The following EDC3 variants were observed in gnomAD, a reference collection of about 807,000 sequenced individuals.
The protein encoded by EDC3 is enhancer of mRNA-decapping protein 3.
In EDC3, 20 loss-of-function variants were observed where a neutral mutation model predicts 41.8. The ratio of observed to expected loss-of-function variants is 0.48; its 90% CI spans 0.34 to 0.70. The LOEUF (loss-of-function observed/expected upper bound fraction) is 0.70, where lower values mean the gene tolerates loss of function less well. Ranked by LOEUF, EDC3 falls within the 30% of genes least tolerant of loss-of-function variation. The pLI is 0.01. For synonymous variants in EDC3, 206 were observed against 243.2 expected (o/e 0.85, Z 1.42); for missense variants, 444 against 636.8 (o/e 0.70, Z 3.26).
intron 1 of EDC3, among the ~76,000 whole-genome samples, chr15:74,675,664 A>C (rs1012019180): frequency 2.9e-4 from 44 of 150,390 alleles, no homozygotes; most frequent in African/African-American, 1.0e-3. Context: ...GCAGATCACG[A>C]GGTCACGAGA....
chr15:74,640,753 C>T (rs1209617340), intron 4 of EDC3, 134 bp from the exon 5 acceptor site: 24 of 1,132,422 alleles, frequency 2.1e-5, no homozygotes, highest in Admixed American at 7.2e-5. Context: ...CTTCATCTTC[C>T]GGGACTAAGG....
At position 74,645,575 on chromosome 15, in the gene EDC3, G is replaced by GC. The variant is rs1317932249; in HGVS notation, c.821-4957_821-4956insG. ...TCAATAAAAAAAGTTGGGGGGGGGGGGGTGCCAGGCAGGTGGCTCATGCCC... is the reference window on the plus strand; with the variant it reads ...TCAATAAAAAAAGTTGGGGGGGGGGGCGGTGCCAGGCAGGTGGCTCATGCCC... On this transcript the variant is annotated intron_variant, in intron 4 of 6. Coordinates refer to ENST00000315127, the MANE Select transcript of EDC3 (RefSeq NM_025083.5). Among the ~76,000 whole-genome samples, 12 of 140,586 alleles carry GC rather than the reference G, an allele frequency of 8.5e-5. No homozygotes were observed. The East Asian group carries it at 1.8e-3, about 21-fold the overall frequency. 92.2% of individuals were successfully genotyped at this position (140,586 alleles called of 152,430 possible).
intron 1 of EDC3, among the ~76,000 whole-genome samples, chr15:74,693,998 C>A (rs970950343): frequency 4.6e-5 from 7 of 150,736 alleles, no homozygotes; most frequent in Admixed American, 1.3e-4. Context: ...AAAAAAAAAA[C>A]AAAAACTTCA....
chr15:74,695,172 A>G (rs996488378), intron 1 of EDC3, among the ~76,000 whole-genome samples: 9 of 151,772 alleles, frequency 5.9e-5, no homozygotes, highest in African/African-American at 2.2e-4. Flanking sequence ...TGGCTTGGTC[A>G]GTTGATTTTC....
intron 2 of EDC3, among the ~76,000 whole-genome samples, chr15:74,674,589 C>G (rs2062779826): frequency 6.6e-6 from 1 of 152,088 alleles, no homozygotes; most frequent in Non-Finnish European, 1.5e-5. Context: ...TTATTTGGCT[C>G]TGACAAGGAT....
At chr15:74,684,207 T>G (rs1275417270) in intron 1 of EDC3, among the ~76,000 whole-genome samples, 1 of 151,090 alleles carries the variant, frequency 6.6e-6, no homozygotes, top group African/African-American at 2.4e-5. Context: ...CCAGCTAATA[T>G]TTTCTGTTTT....
intron 1 of EDC3, among the ~76,000 whole-genome samples, chr15:74,675,880 C>CA (rs57596845): frequency 1.0e-3 from 117 of 116,568 alleles, no homozygotes; most frequent in Non-Finnish European, 1.3e-3. Context: ...GACTCTGCCT[C>CA]AAAAAAAAAA....
At position 74,675,074 on chromosome 15, in the gene EDC3, G is replaced by C. The variant is rs1351506795; in HGVS notation, c.51C>G (p.Ser17Arg). 6.2e-7 allele frequency: 1 copy of C among 1,613,854 alleles called. No individual in the cohort carries two copies. Among genetic ancestry groups the C allele is most frequent in the Non-Finnish European group, 8.5e-7 (1 of 1,180,036 alleles). ...GSIVSINCGD[S>R]LGVYQGRVSA... The stretch of plus-strand genomic sequence containing the variant: ...ACACTCTTCCCTGATAGACACCCAA[G>C]CTATCTCCACAATTGATGGACACAA... Residue 17 changes from serine to arginine, a missense_variant, in exon 2 of 7, where the codon AGC becomes AGG. Ser to Arg is a moderately radical substitution (Grantham distance 110). Transcript: ENST00000315127.
intron 4 of EDC3, chr15:74,641,630 C>T (rs1394243359): frequency 6.5e-6 from 1 of 152,754 alleles, no homozygotes; most frequent in African/African-American, 2.4e-5. Flanking sequence ...CACTTGGCTT[C>T]ACCGGCCAGT....
At chr15:74,646,166 G>C (rs1435331727) in intron 4 of EDC3, among the ~76,000 whole-genome samples, 4 of 148,422 alleles carry the variant, frequency 2.7e-5, no homozygotes, top group Non-Finnish European at 5.9e-5. Context: ...TCCGCCTCCC[G>C]GGTTCAAGTG....
chr15:74,670,795 A>C (rs187171367), intron 3 of EDC3, among the ~76,000 whole-genome samples: 17 of 152,316 alleles, frequency 1.1e-4, no homozygotes, highest in Non-Finnish European at 1.6e-4. Context: ...AAAACTGGGC[A>C]GCAACAGAGA....
chr15:74,670,903 T>C (rs535427322), intron 3 of EDC3, among the ~76,000 whole-genome samples: 4 of 152,114 alleles, frequency 2.6e-5, no homozygotes, highest in Admixed American at 6.5e-5. Context: ...TTTGGATCAG[T>C]CCCCTCCTCT....
chr15:74,639,872 T>C (rs1277632083), intron 5 of EDC3: 1 of 152,262 alleles, frequency 6.6e-6, no homozygotes, highest in Non-Finnish European at 1.5e-5. Context: ...TTTTGTTTCC[T>C]CTACTACAGC....
intron 6 of EDC3, among the ~76,000 whole-genome samples, chr15:74,634,591 TCA>T (rs1389128963): frequency 2.6e-5 from 4 of 152,176 alleles, no homozygotes; most frequent in Non-Finnish European, 5.9e-5. Flanking sequence ...TTTTCCCATC[TCA>T]GTGATCGCAC....
chr15:74,683,310 G>A (rs2062895909), intron 1 of EDC3, among the ~76,000 whole-genome samples: 1 of 152,190 alleles, frequency 6.6e-6, no homozygotes, highest in African/African-American at 2.4e-5. Context: ...TGAGGAGGGT[G>A]GATCACCTGA....
Position 74,631,055 on chromosome 15 carries a change from C to T in EDC3, c.*1557G>A, listed in dbSNP as rs2062199960. 2 of 152,266 alleles carry T rather than the reference C, an allele frequency of 1.3e-5. No individual in the cohort carries two copies. Among genetic ancestry groups the T allele is most frequent in the African/African-American group, 2.4e-5 (1 of 41,478 alleles). The allele number at this position is 152,266 out of a possible 1,614,324, so 9.4% of individuals were successfully genotyped here. A position where few individuals can be genotyped will look rare whatever the true frequency, so the allele number is the denominator to read the frequency against. On this transcript the variant is annotated 3_prime_UTR_variant, in exon 7 of 7. Transcript: ENST00000315127. ...AGTGAGCAGAGGCTCAGAGAATACA[C>T]AGCACAAGGGTTACAGTCCCTGGCC...
chr15:74,669,220 G>A (rs563824636), intron 3 of EDC3, among the ~76,000 whole-genome samples: 1 of 152,176 alleles, frequency 6.6e-6, no homozygotes, highest in South Asian at 2.1e-4. Context: ...GCACATGCCT[G>A]TAATCCCAGC....
intron 4 of EDC3, among the ~76,000 whole-genome samples, chr15:74,649,921 A>G (rs2062461903): frequency 6.6e-6 from 1 of 152,026 alleles, no homozygotes; most frequent in South Asian, 2.1e-4. Flanking sequence ...CAATCTCATG[A>G]TAACTTGACT....
intron 1 of EDC3, among the ~76,000 whole-genome samples, chr15:74,692,549 T>TA (rs1396874547): frequency 1.3e-5 from 2 of 151,724 alleles, no homozygotes; most frequent in Non-Finnish European, 2.9e-5. Context: ...AAAGATGACA[T>TA]AAAAAAAAGG....
Sources: allele counts gnomAD v4.1 joint callset (sites outside exome capture counted in the v4.1 genomes callset), GRCh38; gene constraint gnomAD v4.1.1; transcripts MANE v1.5; gene names NCBI Gene and HGNC (gene_info 2026-07-23, HGNC 2026-07-21).